TRHDE: variants seen among roughly 807,000 people sequenced by gnomAD.
The protein encoded by TRHDE is thyrotropin-releasing hormone-degrading ectoenzyme.
TRHDE carries 72 observed loss-of-function variants against 125.7 expected under a neutral mutation model. That is an observed-to-expected ratio of 0.57 (90% CI 0.47 to 0.70). The LOEUF is 0.70. Among genes scored for constraint, TRHDE ranks in the 30% least tolerant of loss-of-function variants. The pLI, the probability that TRHDE is intolerant of heterozygous loss-of-function variation, is 0.00. For missense variants in TRHDE, 1,110 were observed against 1,327.1 expected (o/e 0.84, Z 2.54); for synonymous variants, 509 against 509.1 (o/e 1.00, Z 0.00).
At chr12:72,638,455 T>C (rs1304586917) in intron 15 of TRHDE, among the ~76,000 whole-genome samples, 1 of 151,440 alleles carries the variant, frequency 6.6e-6, no homozygotes, top group East Asian at 1.9e-4. Flanking sequence ...TGACTCTTTA[T>C]CCAATTTGCC....
intron 6 of TRHDE, among the ~76,000 whole-genome samples, chr12:72,520,033 GCT>G (rs1879103408): frequency 6.6e-6 from 1 of 152,192 alleles, no homozygotes; most frequent in Non-Finnish European, 1.5e-5. Context: ...GAGAACCACT[GCT>G]CTCTTCAAAG....
chr12:72,444,622 G>A (rs1317343974), intron 3 of TRHDE, among the ~76,000 whole-genome samples: 1 of 151,618 alleles, frequency 6.6e-6, no homozygotes, highest in Non-Finnish European at 1.5e-5. Context: ...CCTAATTGTG[G>A]GCCTAATTGA....
intron 7 of TRHDE, among the ~76,000 whole-genome samples, chr12:72,551,158 A>G (rs1407734670): frequency 6.6e-6 from 1 of 152,064 alleles, no homozygotes; most frequent in Non-Finnish European, 1.5e-5. Context: ...ATTGTTATGA[A>G]AAAATACGTT....
At chr12:72,302,231 T>A (rs961958273) in intron 2 of TRHDE, among the ~76,000 whole-genome samples, 2 of 97,120 alleles carry the variant, frequency 2.1e-5, no homozygotes, top group Non-Finnish European at 4.3e-5. Flanking sequence ...ATGATTATTA[T>A]CTATGTGTGT....
chr12:72,589,484 T>C (rs1871580797), intron 12 of TRHDE, among the ~76,000 whole-genome samples: 1 of 152,198 alleles, frequency 6.6e-6, no homozygotes, highest in African/African-American at 2.4e-5. Flanking sequence ...TAGGGGTTTC[T>C]ATTTGATAGA....
intron 3 of TRHDE, among the ~76,000 whole-genome samples, chr12:72,401,688 G>T (rs188952376): frequency 3.7e-4 from 57 of 152,230 alleles, no homozygotes; most frequent in African/African-American, 1.3e-3. Context: ...TTATAATAAA[G>T]TTGGGAACTT....
intron 6 of TRHDE, among the ~76,000 whole-genome samples, chr12:72,532,132 ACT>A (rs558791033): frequency 5.8e-4 from 88 of 150,786 alleles, no homozygotes; most frequent in Admixed American, 2.1e-3. Flanking sequence ...CTCCATGAAA[ACT>A]CTGTACAATT....
chr12:72,635,982 G>A (rs1873728260), intron 15 of TRHDE, among the ~76,000 whole-genome samples: 1 of 151,358 alleles, frequency 6.6e-6, no homozygotes, highest in East Asian at 1.9e-4. Flanking sequence ...ACTTGGCGAT[G>A]TGGGCTCTTT....
intron 10 of TRHDE, among the ~76,000 whole-genome samples, chr12:72,573,951 G>T (rs541120462): frequency 2.5e-4 from 38 of 152,074 alleles, no homozygotes; most frequent in Non-Finnish European, 5.2e-4. Context: ...AAATGATAAA[G>T]ATTAAATTTT....
chr12:72,289,731 A>G (rs1349909795), intron 2 of TRHDE, among the ~76,000 whole-genome samples: 1 of 152,204 alleles, frequency 6.6e-6, no homozygotes, highest in African/African-American at 2.4e-5. Context: ...GGGAGCTTAT[A>G]TTCTAATGAG....
intron 2 of TRHDE, among the ~76,000 whole-genome samples, chr12:72,328,940 ATTATAAG>A (rs1282676575): frequency 2.0e-5 from 3 of 152,150 alleles, no homozygotes; most frequent in Non-Finnish European, 2.9e-5. Context: ...TAGGATAAAA[ATTATAAG>A]TTATATTTTT....
chr12:72,327,499 A>C (rs751730428), intron 2 of TRHDE, among the ~76,000 whole-genome samples: 2 of 152,176 alleles, frequency 1.3e-5, no homozygotes, highest in African/African-American at 4.8e-5. Flanking sequence ...TAAATGGATC[A>C]TCTAGCAGAA....
chr12:72,166,406 CCAG>C (rs2139332040), intron 2 of TRHDE, among the ~76,000 whole-genome samples: 1 of 151,984 alleles, frequency 6.6e-6, no homozygotes, highest in South Asian at 2.1e-4. Flanking sequence ...TATACAATTA[CCAG>C]CAGAATTCAC....
chr12:72,276,713 C>G (rs1166922945), intron 1 of TRHDE, among the ~76,000 whole-genome samples: 2 of 152,156 alleles, frequency 1.3e-5, no homozygotes, highest in African/African-American at 2.4e-5. Flanking sequence ...CAAGTTGAGA[C>G]AAATTCTCTA....
chr12:72,521,687 T>C (rs1261219910), intron 6 of TRHDE, among the ~76,000 whole-genome samples: 1 of 152,190 alleles, frequency 6.6e-6, no homozygotes, highest in East Asian at 1.9e-4. Context: ...TGAATATCTG[T>C]GTTTTGCTTA....
rs115587059 is a variant in TRHDE, at chr12:72,359,059, A to G, written c.1189-18936A>G. Among the ~76,000 whole-genome samples the G allele has an allele frequency of 6.4e-3, 967 of 151,718 alleles. 6 individuals are homozygous for G. The highest frequency in any genetic ancestry group is 0.022 in the African/African-American group (929 of 41,462). Reference sequence around the variant, plus strand: ...GGAAAAGTTAAATTTTGTCTTAAACAAAACAAGAGAGTTTCCTAACATGAC... The same window carrying G: ...GGAAAAGTTAAATTTTGTCTTAAACGAAACAAGAGAGTTTCCTAACATGAC... On this transcript the variant is annotated intron_variant, in intron 2 of 18. Transcript: ENST00000261180.
intron 15 of TRHDE, among the ~76,000 whole-genome samples, chr12:72,651,531 TA>T (rs34906134): frequency 3.8e-4 from 57 of 151,720 alleles, no homozygotes; most frequent in African/African-American, 1.2e-3. Flanking sequence ...TTTGAAACTT[TA>T]AAAAAAAGTA....
At chr12:72,238,359 A>ATG (rs1221855166) in intron 2 of TRHDE, among the ~76,000 whole-genome samples, 1 of 77,276 alleles carries the variant, frequency 1.3e-5, no homozygotes, top group African/African-American at 4.4e-5. Flanking sequence ...ATATATATAT[A>ATG]TATACACATA....
intron 15 of TRHDE, among the ~76,000 whole-genome samples, chr12:72,640,935 A>G (rs901867121): frequency 6.6e-6 from 1 of 152,246 alleles, no homozygotes; most frequent in African/African-American, 2.4e-5. Context: ...GGTTTGAGAA[A>G]TGTTTTTCAT....
Sources: gnomAD v4.1 joint callset for allele counts (sites outside exome capture counted in the v4.1 genomes callset) on GRCh38, gnomAD v4.1.1 for gene constraint, MANE v1.5 for transcripts, NCBI Gene and HGNC (gene_info 2026-07-23, HGNC 2026-07-21) for gene names.